PIGR: variants seen among roughly 807,000 people sequenced by gnomAD.
PIGR encodes the protein polymeric immunoglobulin receptor.
Under a neutral mutation model 69.5 loss-of-function variants are expected in PIGR, and 22 were observed. That is an observed-to-expected ratio of 0.32 (90% CI 0.23 to 0.45). The LOEUF (loss-of-function observed/expected upper bound fraction) is 0.45, where lower values mean the gene tolerates loss of function less well. PIGR is among the 20% of genes least tolerant of loss of function. PIGR has a pLI of 1.00. For synonymous variants in PIGR, 413 were observed against 407.6 expected, an observed-to-expected ratio of 1.01 and a Z score of -0.16; for missense variants, 885 against 974.0, an observed-to-expected ratio of 0.91 and a Z score of 1.22.
intron 1 of PIGR, among the ~76,000 whole-genome samples, chr1:206,943,590 G>A (rs895340187): frequency 6.6e-6 from 1 of 152,190 alleles, no homozygotes; most frequent in Non-Finnish European, 1.5e-5. Context: ...TTTATAAAAT[G>A]TATTTAACTA....
rs897974271 is a variant in PIGR, at chr1:206,932,672, G to T, written c.1887-95C>A. On this transcript the variant is annotated intron_variant, in intron 7 of 10. Transcript: ENST00000356495. ...TTGGCTTAGTCCTTTTTCCTCCCAG[G>T]TTTATCCACCCCACCCTGCTGATGC... 6 of 1,397,708 alleles carry T rather than the reference G, an allele frequency of 4.3e-6. No individual in the cohort carries two copies. In the African/African-American group the frequency reaches 5.8e-5, roughly 13 times the overall value. 86.6% of individuals were successfully genotyped at this position (1,397,708 alleles called of 1,614,324 possible).
chr1:206,934,945 A>G (rs951481327), intron 5 of PIGR, among the ~76,000 whole-genome samples, 199 bp from the exon 6 acceptor site: 4 of 152,136 alleles, frequency 2.6e-5, no homozygotes, highest in African/African-American at 9.7e-5. Context: ...TGCAGCCTCC[A>G]TCTCCTGGGC....
In PIGR at chr1:206,930,918, G is replaced by A. The variant is rs184610548; in HGVS notation, c.2200-505C>T. The A allele has an allele frequency of 2.3e-5, 23 of 985,370 alleles. No individual in the cohort carries two copies. The highest frequency in any genetic ancestry group is 1.2e-4 in the Admixed American group (2 of 16,284). The allele number at this position is 985,370 out of a possible 1,614,324, so 61.0% of individuals were successfully genotyped here. A position where few individuals can be genotyped will look rare whatever the true frequency, so the allele number is the denominator to read the frequency against. On this transcript the variant is annotated intron_variant, in intron 10 of 10. Coordinates refer to ENST00000356495, the MANE Select transcript of PIGR (RefSeq NM_002644.4). The surrounding 1 kb of genome is among the most constrained non-coding windows in gnomAD (Gnocchi z 4.3). ...CAACAACAACAAAAACTCTCACCTCGGGATTAAAGGCATGAGATGTTATTT... is the reference window on the plus strand; with the variant it reads ...CAACAACAACAAAAACTCTCACCTCAGGATTAAAGGCATGAGATGTTATTT...
At chr1:206,932,853 A>G (rs931994588) in intron 7 of PIGR, 133 bp downstream of exon 7, 3 of 917,090 alleles carry the variant, frequency 3.3e-6, no homozygotes, top group South Asian at 3.2e-5. Flanking sequence ...CCTCCCACAT[A>G]TAAGCAGAGG....
intron 7 of PIGR, among the ~76,000 whole-genome samples, 193 bp from the exon 8 acceptor site, chr1:206,932,770 T>A (rs1679782667): frequency 6.6e-6 from 1 of 152,232 alleles, no homozygotes; most frequent in Non-Finnish European, 1.5e-5. Context: ...TGTTGCATCC[T>A]AGGCCTGGAA....
At position 206,941,763 on chromosome 1, in the gene PIGR, C is replaced by T. The variant is rs77897231; in HGVS notation, c.-53-1179G>A. Among the ~76,000 whole-genome samples, 468 of 152,360 alleles carry T rather than the reference C, an allele frequency of 3.1e-3. 6 individuals carry two copies. In the East Asian group the frequency reaches 0.055, roughly 18 times the overall value. ...TTGAGGGTCCCAGGGGTCTGCCTGA[C>T]AGCAGCTGTCATCAAGACCCCAACT... is the stretch of plus-strand genomic sequence containing the variant. On this transcript the variant is annotated intron_variant, in intron 1 of 10. Transcript: ENST00000356495.
rs767071176 is a variant in PIGR at position 206,939,236 on chromosome 1, C to T, written c.271G>A (p.Gly91Ser). The change falls in exon 3 of 11, where the codon GGC becomes AGC. Residue 91 changes from glycine to serine, a missense_variant. Physicochemically the swap from Gly to Ser is moderately conservative, Grantham distance 56. Coordinates refer to ENST00000356495, the MANE Select transcript of PIGR (RefSeq NM_002644.4). ...RANLTNFPENGTFVVNIAQLS... is the reference protein window; with the variant it reads ...RANLTNFPENSTFVVNIAQLS... Reference sequence around the variant, plus strand: ...TGGGCAATGTTCACCACAAATGTGCCGTTCTCCGGGAAGTTGGTGAGGTTA... The same window carrying T: ...TGGGCAATGTTCACCACAAATGTGCTGTTCTCCGGGAAGTTGGTGAGGTTA... The T allele has an allele frequency of 3.2e-5, 52 of 1,614,162 alleles. No homozygotes were observed. Among genetic ancestry groups the T allele is most frequent in the East Asian group, 4.5e-5 (2 of 44,892 alleles).
Position 206,930,248 on chromosome 1 carries a change from T to G in PIGR, c.*70A>C, listed in dbSNP as rs563344322. 539 of 1,398,246 alleles carry G rather than the reference T, an allele frequency of 3.9e-4. 7 individuals carry two copies. The South Asian group carries it at 7.0e-3, about 18-fold the overall frequency. The allele number at this position is 1,398,246 out of a possible 1,614,324, so 86.6% of individuals were successfully genotyped here. On this transcript the variant is annotated 3_prime_UTR_variant, in exon 11 of 11. Coordinates refer to ENST00000356495, the MANE Select transcript of PIGR (RefSeq NM_002644.4). The surrounding 1 kb of genome is among the most constrained non-coding windows in gnomAD (Gnocchi z 4.3). ...AGCAGGGAGTGGGGTCCCCAGGAGC[T>G]GAGGGCCCCAGGATCGACATGATTC...
rs749817121 is a variant in PIGR, at chr1:206,931,705, C to G, written c.2106G>C (p.Ser702=). ...FGANDNMGAS[S]ITQETSLGGK... ...CTCCGAGGGATGTCTCCTGAGTGAT[C>G]GAAGAGGCTCCCATGTTGTCATTGG... Residue 702 remains serine, a synonymous_variant, in exon 9 of 11, where the codon TCG becomes TCC. Coordinates refer to ENST00000356495, the MANE Select transcript of PIGR (RefSeq NM_002644.4). The G allele has an allele frequency of 1.9e-6, 3 of 1,613,994 alleles. No homozygotes were observed. The highest frequency in any genetic ancestry group is 2.7e-5 in the African/African-American group (2 of 74,890).
At position 206,930,349 on chromosome 1, in the gene PIGR, G is replaced by A; in HGVS notation, c.2264C>T (p.Ala755Val). 1 of 1,611,980 alleles carries A rather than the reference G, an allele frequency of 6.2e-7. No individual in the cohort carries two copies. The highest frequency in any genetic ancestry group is 8.5e-7 in the Non-Finnish European group (1 of 1,178,960). Residue 755 changes from alanine to valine, a missense_variant, in exon 11 of 11, where the codon GCC becomes GTC. Ala to Val is a moderately conservative substitution (Grantham distance 64, BLOSUM62 0). Coordinates refer to ENST00000356495, the MANE Select transcript of PIGR (RefSeq NM_002644.4). This position sits in a 1 kb window ranked among gnomAD's most constrained non-coding sequence, Gnocchi z 4.3. The stretch of plus-strand genomic sequence containing the variant: ...TTCCTGGGGGCCGTCCTGGGCCTCG[G>A]CGGCCACGGTGCTGGACTGGAGCAG... ...DFLLQSSTVAAEAQDGPQEA is the reference protein window; with the variant it reads ...DFLLQSSTVAVEAQDGPQEA
Position 206,931,937 on chromosome 1 carries a change from A to G in PIGR, c.2009-135T>C, listed in dbSNP as rs886459962. On this transcript the variant is annotated intron_variant, in intron 8 of 10. Transcript: ENST00000356495. ...GGTGGTGCAGCTCTGACTATGACCC[A>G]GGGGGATGGAAATGATCCGAGTCTC... 4.8e-5 allele frequency: 44 copies of G among 925,766 alleles called. No homozygotes were observed. In the African/African-American group the frequency reaches 6.9e-4, roughly 14 times the overall value. 57.3% of individuals were successfully genotyped at this position (925,766 alleles called of 1,614,324 possible).
chr1:206,935,411 G>T lies in PIGR; in HGVS notation c.1378+75C>A. The T allele has an allele frequency of 7.8e-7, 1 of 1,285,940 alleles. No homozygotes were observed. The highest frequency in any genetic ancestry group is 1.1e-6 in the Non-Finnish European group (1 of 911,030). The allele number at this position is 1,285,940 out of a possible 1,614,324, so 79.7% of individuals were successfully genotyped here. On this transcript the variant is annotated intron_variant, in intron 5 of 10. Transcript: ENST00000356495. The surrounding 1 kb of genome is among the most constrained non-coding windows in gnomAD (Gnocchi z 4.4). ...CATCAGGGTGGAGGCGGGTGAAAAAGGAGGAAGAGTGGTTGGGGATGCTGC... is the reference window on the plus strand; with the variant it reads ...CATCAGGGTGGAGGCGGGTGAAAAATGAGGAAGAGTGGTTGGGGATGCTGC...
chr1:206,934,368 G>C, intron 6 of PIGR, 52 bp downstream of exon 6: 2 of 1,487,564 alleles, frequency 1.3e-6, no homozygotes, highest in Non-Finnish European at 1.8e-6. Flanking sequence ...GGGCCTTCAG[G>C]AAGTCCTGCC....
Position 206,937,602 on chromosome 1 carries a change from T to C in PIGR, c.538A>G (p.Ser180Gly). Residue 180 changes from serine to glycine, a missense_variant, in exon 4 of 11, where the codon AGT becomes GGT. By Grantham distance (56) the Ser-to-Gly change is moderately conservative (BLOSUM62 0). Coordinates refer to ENST00000356495, the MANE Select transcript of PIGR (RefSeq NM_002644.4). Reference sequence around the variant, plus strand: ...GTATAGTTGGGATTTACATAACCACTGGAGTCGATGACCAGCACAGGGTAC... The same window carrying C: ...GTATAGTTGGGATTTACATAACCACCGGAGTCGATGACCAGCACAGGGTAC... ...GLYPVLVIDS[S>G]GYVNPNYTGR... is the part of the protein sequence containing the mutation. The C allele has an allele frequency of 6.2e-7, 1 of 1,614,020 alleles. No homozygotes were observed. The highest frequency in any genetic ancestry group is 1.6e-4 in the Middle Eastern group (1 of 6,062).
At chr1:206,938,114 T>C (rs962405860) in intron 3 of PIGR, among the ~76,000 whole-genome samples, 7 of 152,230 alleles carry the variant, frequency 4.6e-5, no homozygotes, top group African/African-American at 1.7e-4. Flanking sequence ...CTCTGGGTAG[T>C]AGGTGGCCAA....
At chr1:206,940,778 T>C (rs1343732136) in intron 1 of PIGR, among the ~76,000 whole-genome samples, 194 bp from the exon 2 acceptor site, 1 of 152,234 alleles carries the variant, frequency 6.6e-6, no homozygotes, top group African/African-American at 2.4e-5. Flanking sequence ...ATATCCTTAA[T>C]AGCTAGAAGT....
intron 1 of PIGR, among the ~76,000 whole-genome samples, chr1:206,940,994 C>A (rs1679972271): frequency 6.6e-6 from 1 of 152,150 alleles, no homozygotes; most frequent in Non-Finnish European, 1.5e-5. Flanking sequence ...GTGAAGCGGG[C>A]TGACATATTT....
chr1:206,933,705 A>G (rs1188610461), intron 6 of PIGR, among the ~76,000 whole-genome samples: 1 of 152,220 alleles, frequency 6.6e-6, no homozygotes, highest in Non-Finnish European at 1.5e-5. Context: ...GACCTTGTAA[A>G]TGAAGGTATC....
intron 8 of PIGR, 104 bp from the exon 9 acceptor site, chr1:206,931,906 A>G: frequency 7.8e-7 from 1 of 1,290,104 alleles, no homozygotes; most frequent in Non-Finnish European, 1.1e-6. Context: ...CCTGCAGGAC[A>G]GCTGAGGTGG....
Sources: allele counts gnomAD v4.1 joint callset (sites outside exome capture counted in the v4.1 genomes callset), GRCh38; gene constraint gnomAD v4.1.1; non-coding constraint Gnocchi (gnomAD v3.1); transcripts MANE v1.5; gene names NCBI Gene and HGNC (gene_info 2026-07-23, HGNC 2026-07-21).